The following ITGA9 variants were observed in gnomAD, a reference collection of about 807,000 sequenced individuals.
ITGA9 encodes the protein integrin subunit alpha 9, also known as integrin alpha-9.
In ITGA9, 56 loss-of-function variants were observed where a neutral mutation model predicts 127.8. The observed-to-expected ratio is 0.44, with a 90% CI of 0.35 to 0.55. The LOEUF is 0.55. Among genes scored for constraint, ITGA9 ranks in the 20% least tolerant of loss-of-function variants. The pLI is 0.00. For synonymous variants in ITGA9, 508 were observed against 514.5 expected (o/e 0.99, Z 0.17); for missense variants, 1,196 against 1,347.1 (o/e 0.89, Z 1.76).
chr3:37,686,901 G>C lies in ITGA9; in HGVS notation c.2067+2886G>C, dbSNP rs528551650. Among the ~76,000 whole-genome samples the C allele has an allele frequency of 1.1e-4, 16 of 152,290 alleles. No individual in the cohort carries two copies. The East Asian group carries it at 3.1e-3, about 29-fold the overall frequency. On this transcript the variant is annotated intron_variant, in intron 18 of 27. Coordinates refer to ENST00000264741, the MANE Select transcript of ITGA9 (RefSeq NM_002207.3). ...AATGGCATCACCCAGCACCGGGTAG[G>C]ATTCTGACAGGACCCAGTGGCTAGT...
At chr3:37,626,010 A>G (rs1474370205) in intron 15 of ITGA9, among the ~76,000 whole-genome samples, 3 of 152,214 alleles carry the variant, frequency 2.0e-5, no homozygotes, top group Admixed American at 6.5e-5. Context: ...CTACATGTCC[A>G]AATGCATTAC....
chr3:37,528,903 C>G (rs1699121483), intron 13 of ITGA9, among the ~76,000 whole-genome samples: 1 of 152,202 alleles, frequency 6.6e-6, no homozygotes, highest in South Asian at 2.1e-4. Context: ...TTCCTTGTGC[C>G]TCTGGCTGGT....
chr3:37,732,651 C>A, intron 18 of ITGA9, 61 bp from the exon 19 acceptor site: 1 of 1,287,852 alleles, frequency 7.8e-7, no homozygotes, highest in Non-Finnish European at 1.1e-6. Flanking sequence ...CCCCGTGGAG[C>A]CTGCTCCCAC....
intron 15 of ITGA9, among the ~76,000 whole-genome samples, chr3:37,605,773 A>C (rs1025222929): frequency 6.6e-6 from 1 of 152,174 alleles, no homozygotes; most frequent in African/African-American, 2.4e-5. Context: ...CGAGACTAAA[A>C]AGATGCTTTT....
intron 18 of ITGA9, among the ~76,000 whole-genome samples, chr3:37,690,294 T>C (rs1700819602): frequency 6.6e-6 from 1 of 152,128 alleles, no homozygotes; most frequent in Non-Finnish European, 1.5e-5. Context: ...AGGCTGCCCA[T>C]GTTGAACAAA....
intron 13 of ITGA9, among the ~76,000 whole-genome samples, chr3:37,526,586 A>G (rs1161621939): frequency 6.6e-6 from 1 of 152,206 alleles, no homozygotes; most frequent in Admixed American, 6.5e-5. Context: ...GGTGAGGGAC[A>G]TGAGCTGAGG....
chr3:37,794,557 A>C (rs1036644420), intron 26 of ITGA9, among the ~76,000 whole-genome samples: 10 of 152,226 alleles, frequency 6.6e-5, no homozygotes, highest in African/African-American at 2.4e-4. Flanking sequence ...GGGAGAATGA[A>C]GACTCCTCGG....
At chr3:37,584,775 T>A (rs555576456) in intron 15 of ITGA9, among the ~76,000 whole-genome samples, 2 of 152,058 alleles carry the variant, frequency 1.3e-5, no homozygotes, top group East Asian at 1.9e-4. Context: ...AATATTATTA[T>A]TAATAATAAT....
chr3:37,774,723 A>T (rs1559594692), intron 23 of ITGA9, among the ~76,000 whole-genome samples: 1 of 147,862 alleles, frequency 6.8e-6, no homozygotes, highest in Admixed American at 6.7e-5. Context: ...TCTCCAAAAA[A>T]AAAACAAAAA....
chr3:37,634,125 A>T (rs1039543645), intron 16 of ITGA9, among the ~76,000 whole-genome samples: 1 of 152,264 alleles, frequency 6.6e-6, no homozygotes, highest in South Asian at 2.1e-4. Flanking sequence ...AAAGAACCAA[A>T]CCATACCACT....
At chr3:37,595,344 G>T (rs1699859374) in intron 15 of ITGA9, among the ~76,000 whole-genome samples, 1 of 152,144 alleles carries the variant, frequency 6.6e-6, no homozygotes, top group Non-Finnish European at 1.5e-5. Flanking sequence ...GGAAGAAAAG[G>T]CCACACAAGG....
At chr3:37,679,725 C>T (rs565960990) in intron 17 of ITGA9, among the ~76,000 whole-genome samples, 29 of 152,278 alleles carry the variant, frequency 1.9e-4, no homozygotes, top group Admixed American at 1.2e-3. Context: ...GAACATTCCA[C>T]GGTGCTTAGT....
chr3:37,802,264 G>A (rs1037376419), intron 26 of ITGA9, among the ~76,000 whole-genome samples: 13 of 152,202 alleles, frequency 8.5e-5, no homozygotes, highest in Admixed American at 6.5e-4. Flanking sequence ...TTCAATAAGT[G>A]TTAGAGAGGG....
At chr3:37,590,643 C>T (rs969477843) in intron 15 of ITGA9, among the ~76,000 whole-genome samples, 2 of 151,526 alleles carry the variant, frequency 1.3e-5, no homozygotes, top group Admixed American at 6.6e-5. Flanking sequence ...CTGGCTTGGG[C>T]GGCCTTGTCT....
chr3:37,612,523 G>C (rs1700033163), intron 15 of ITGA9, among the ~76,000 whole-genome samples: 1 of 152,096 alleles, frequency 6.6e-6, no homozygotes, highest in African/African-American at 2.4e-5. Flanking sequence ...TAATACTTTT[G>C]TGGTTTGATG....
intron 23 of ITGA9, among the ~76,000 whole-genome samples, chr3:37,765,242 A>G (rs1401482842): frequency 6.6e-6 from 1 of 152,080 alleles, no homozygotes; most frequent in African/African-American, 2.4e-5. Flanking sequence ...TTTTGAACAA[A>G]TTCCTTTAAC....
rs759918792 is a variant in ITGA9 at position 37,629,168 on chromosome 3, T to C, written c.1690-19T>C. On this transcript the variant is annotated intron_variant, in intron 15 of 27. Coordinates refer to ENST00000264741, the MANE Select transcript of ITGA9 (RefSeq NM_002207.3). The surrounding 1 kb of genome is among the most constrained non-coding windows in gnomAD (Gnocchi z 4.5). ...AGCCAGGATTAGTAGTTAATGCACGTATTTGTTTATTGTTTCAGCGGAGGG... is the reference window on the plus strand; with the variant it reads ...AGCCAGGATTAGTAGTTAATGCACGCATTTGTTTATTGTTTCAGCGGAGGG... 1.8e-5 allele frequency: 29 copies of C among 1,612,164 alleles called. No individual in the cohort carries two copies. In the South Asian group the frequency reaches 3.2e-4, roughly 18 times the overall value.
chr3:37,674,823 A>G (rs948851601), intron 17 of ITGA9, among the ~76,000 whole-genome samples: 1 of 152,206 alleles, frequency 6.6e-6, no homozygotes, highest in Non-Finnish European at 1.5e-5. Context: ...AATTGAGGCT[A>G]TGGCACCTGG....
intron 15 of ITGA9, among the ~76,000 whole-genome samples, chr3:37,573,809 T>C (rs1699625565): frequency 6.6e-6 from 1 of 152,134 alleles, no homozygotes; most frequent in Non-Finnish European, 1.5e-5. Context: ...GAGGCTTAGG[T>C]CACTGTGGAC....
Sources: gnomAD v4.1 joint callset for allele counts (sites outside exome capture counted in the v4.1 genomes callset) on GRCh38, gnomAD v4.1.1 for gene constraint, Gnocchi (gnomAD v3.1) non-coding constraint, MANE v1.5 for transcripts, NCBI Gene and HGNC (gene_info 2026-07-23, HGNC 2026-07-21) for gene names.